GSK3B: variants seen among roughly 807,000 people sequenced by gnomAD.
GSK3B encodes the protein glycogen synthase kinase 3 beta.
Under a neutral mutation model 56.4 loss-of-function variants are expected in GSK3B, and 15 were observed. That is an observed-to-expected ratio of 0.27 (90% CI 0.18 to 0.41). The LOEUF (loss-of-function observed/expected upper bound fraction) is 0.41, where lower values mean the gene tolerates loss of function less well. GSK3B is among the 10% of genes least tolerant of loss of function. The pLI is 1.00. For missense variants in GSK3B, 300 were observed against 513.4 expected (o/e 0.58, Z 4.02); for synonymous variants, 181 against 188.9 (o/e 0.96, Z 0.34).
At chr3:119,989,105 C>A (rs1022242923) in intron 2 of GSK3B, among the ~76,000 whole-genome samples, 1 of 152,186 alleles carries the variant, frequency 6.6e-6, no homozygotes, top group Non-Finnish European at 1.5e-5. Flanking sequence ...TCAGCAGACG[C>A]TGCCTCTAAG....
intron 1 of GSK3B, among the ~76,000 whole-genome samples, chr3:120,016,733 C>T (rs2107504519): frequency 6.6e-6 from 1 of 152,134 alleles, no homozygotes; most frequent in East Asian, 1.9e-4. Flanking sequence ...TACCTCAAAA[C>T]CAAATTTTAC....
chr3:120,043,293 C>G (rs1187770911), intron 1 of GSK3B, among the ~76,000 whole-genome samples: 1 of 152,126 alleles, frequency 6.6e-6, no homozygotes, highest in Non-Finnish European at 1.5e-5. Context: ...AAGAAAAAAA[C>G]CTCTCAAACT....
At chr3:119,946,890 C>T (rs764882531) in intron 3 of GSK3B, among the ~76,000 whole-genome samples, 1 of 152,010 alleles carries the variant, frequency 6.6e-6, no homozygotes. Flanking sequence ...CTCTTTACCT[C>T]TTATCAACTT....
At chr3:119,970,277 G>C (rs1210706530) in intron 2 of GSK3B, among the ~76,000 whole-genome samples, 1 of 152,054 alleles carries the variant, frequency 6.6e-6, no homozygotes, top group Non-Finnish European at 1.5e-5. Context: ...TTTTAAAATG[G>C]GTAAAAGATT....
chr3:119,903,274 C>A (rs891349481), intron 7 of GSK3B, among the ~76,000 whole-genome samples: 2 of 152,126 alleles, frequency 1.3e-5, no homozygotes, highest in African/African-American at 4.8e-5. Flanking sequence ...TCCCAAAATG[C>A]CCTGGATGCT....
At chr3:120,042,788 G>C (rs1023423478) in intron 1 of GSK3B, among the ~76,000 whole-genome samples, 20 of 152,106 alleles carry the variant, frequency 1.3e-4, no homozygotes, top group Admixed American at 5.2e-4. Flanking sequence ...CCGTCATTAA[G>C]GAAGGTTAAA....
rs777964642 is a variant in GSK3B at position 120,023,575 on chromosome 3, T to C, written c.89-21336A>G. Among the ~76,000 whole-genome samples, 9 of 152,152 alleles carry C rather than the reference T, an allele frequency of 5.9e-5. 1 individual carries two copies. The South Asian group carries it at 1.2e-3, about 21-fold the overall frequency. ...CAAAAAGCCATCTGACCTATTACTC[T>C]TAAGGTGTTACTTAAATTTCATGAT... On this transcript the variant is annotated intron_variant, in intron 1 of 10. Coordinates refer to ENST00000264235, the MANE Select transcript of GSK3B (RefSeq NM_001146156.2).
At chr3:119,859,836 A>C (rs751894361) in intron 9 of GSK3B, among the ~76,000 whole-genome samples, 49 of 151,894 alleles carry the variant, frequency 3.2e-4, no homozygotes, top group Admixed American at 2.2e-3. Flanking sequence ...TCCTGTTTCA[A>C]CTCTCAATTA....
chr3:119,960,480 T>C (rs555223120), intron 2 of GSK3B, among the ~76,000 whole-genome samples: 8 of 152,296 alleles, frequency 5.3e-5, no homozygotes, highest in African/African-American at 9.6e-5. Context: ...CTGAGGAAAT[T>C]TGAATAAAAT....
intron 2 of GSK3B, among the ~76,000 whole-genome samples, chr3:119,973,901 C>T (rs1218517370): frequency 6.6e-6 from 1 of 152,112 alleles, no homozygotes; most frequent in Non-Finnish European, 1.5e-5. Context: ...AAAAACTGGA[C>T]AGACACAATT....
intron 1 of GSK3B, chr3:120,041,304 C>T: frequency 3.4e-6 from 1 of 294,002 alleles, no homozygotes; most frequent in South Asian, 4.1e-5. Flanking sequence ...AGATAACCTT[C>T]CAGCTGATAT....
chr3:119,958,038 G>A (rs2057231449), intron 2 of GSK3B, among the ~76,000 whole-genome samples: 1 of 152,098 alleles, frequency 6.6e-6, no homozygotes, highest in Non-Finnish European at 1.5e-5. Flanking sequence ...ACCCCCCCAA[G>A]TGTCAAGGGA....
chr3:120,052,750 A>C (rs1234819420), intron 1 of GSK3B, among the ~76,000 whole-genome samples: 1 of 152,200 alleles, frequency 6.6e-6, no homozygotes, highest in African/African-American at 2.4e-5. Flanking sequence ...GACTTCCAAA[A>C]ACATCAAGCT....
At chr3:120,010,657 A>G (rs912949604) in intron 1 of GSK3B, among the ~76,000 whole-genome samples, 1 of 152,172 alleles carries the variant, frequency 6.6e-6, no homozygotes, top group Admixed American at 6.5e-5. Flanking sequence ...ACTAATATAG[A>G]TTTTAAGAAC....
intron 2 of GSK3B, among the ~76,000 whole-genome samples, chr3:119,949,500 T>TA (rs1223144996): frequency 2.0e-5 from 3 of 152,092 alleles, no homozygotes; most frequent in African/African-American, 7.2e-5. Context: ...AGAAAGATAA[T>TA]ACGGCTGCAT....
intron 8 of GSK3B, among the ~76,000 whole-genome samples, chr3:119,870,088 T>C (rs1577327858): frequency 2.0e-5 from 3 of 152,310 alleles, no homozygotes; most frequent in Middle Eastern, 3.4e-3. Context: ...TTCCTAACCT[T>C]TTCTACACCT....
intron 1 of GSK3B, among the ~76,000 whole-genome samples, chr3:120,033,722 T>C (rs761866173): frequency 7.2e-5 from 11 of 152,156 alleles, no homozygotes; most frequent in East Asian, 1.9e-4. Context: ...GTTCTTGTGA[T>C]AGTGAGTTCT....
intron 10 of GSK3B, among the ~76,000 whole-genome samples, chr3:119,829,208 GC>G (rs2055562743): frequency 6.6e-6 from 1 of 151,896 alleles, no homozygotes; most frequent in African/African-American, 2.4e-5. Context: ...ATTCCTCCAA[GC>G]CTTTCTCAGA....
At chr3:119,970,584 AC>A (rs2057356008) in intron 2 of GSK3B, among the ~76,000 whole-genome samples, 1 of 150,610 alleles carries the variant, frequency 6.6e-6, no homozygotes, top group Non-Finnish European at 1.5e-5. Flanking sequence ...AGCCTGGCCA[AC>A]ACAGTGAAAC....
Sources: allele counts gnomAD v4.1 joint callset (sites outside exome capture counted in the v4.1 genomes callset), GRCh38; gene constraint gnomAD v4.1.1; transcripts MANE v1.5; gene names NCBI Gene and HGNC (gene_info 2026-07-23, HGNC 2026-07-21).